GATA4: variants seen among roughly 807,000 people sequenced by gnomAD.
GATA4 encodes the protein transcription factor GATA-4.
In GATA4, 7 loss-of-function variants were observed where a neutral mutation model predicts 37.9. The observed-to-expected ratio is 0.18, with a 90% CI of 0.11 to 0.35. The LOEUF is 0.35. Among genes scored for constraint, GATA4 ranks in the 10% least tolerant of loss-of-function variants. The pLI is 1.00. For missense variants in GATA4, 647 were observed against 653.0 expected (o/e 0.99, Z 0.10); for synonymous variants, 372 against 292.6 (o/e 1.27, Z -2.77).
At chr8:11,711,701 C>G (rs780004398) in intron 2 of GATA4, among the ~76,000 whole-genome samples, 1 of 148,482 alleles carries the variant, frequency 6.7e-6, no homozygotes, top group Non-Finnish European at 1.5e-5. Flanking sequence ...CACATGAGCC[C>G]GAGGCCACTG....
Position 11,758,765 on chromosome 8 carries a change from G to A in GATA4, c.*290G>A, listed in dbSNP as rs963493166. On this transcript the variant is annotated 3_prime_UTR_variant, in exon 7 of 7. Coordinates refer to ENST00000532059, the MANE Select transcript of GATA4 (RefSeq NM_001308093.3). ...TTCCCAAGATGTCCTTGTCCCCTGC[G>A]TTCCCCACTGTGGCCTAGACCGTGG... 4.7e-5 allele frequency: 22 copies of A among 468,292 alleles called. No individual in the cohort carries two copies. The highest frequency in any genetic ancestry group is 3.0e-4 in the East Asian group (7 of 22,972). The allele number at this position is 468,292 out of a possible 1,614,324, so 29.0% of individuals were successfully genotyped here.
In GATA4 at chr8:11,693,522, A is replaced by AACAC. The variant is rs140439542; in HGVS notation, c.-729+900_-729+903dup. Among the ~76,000 whole-genome samples the AACAC allele has an allele frequency of 7.0e-3, 769 of 109,942 alleles. 6 individuals are homozygous for AACAC. Among genetic ancestry groups the AACAC allele is most frequent in the African/African-American group, 0.028 (703 of 25,514 alleles). The allele number at this position is 109,942 out of a possible 152,430, so 72.1% of individuals were successfully genotyped here. ...AAAAAAAGAGGATTGATTCAGCACAAACACACACACACACACACACACACA... is the reference window on the plus strand; with the variant it reads ...AAAAAAAGAGGATTGATTCAGCACAAACACACACACACACACACACACACACACA... On this transcript the variant is annotated intron_variant, in intron 1 of 2. Transcript: ENST00000526974.
chr8:11,736,806 G>C (rs1188774120), intron 2 of GATA4, among the ~76,000 whole-genome samples: 2 of 152,184 alleles, frequency 1.3e-5, no homozygotes, highest in African/African-American at 4.8e-5. Flanking sequence ...ATATTATCTA[G>C]ATTCTTTTCA....
intron 4 of GATA4, among the ~76,000 whole-genome samples, chr8:11,754,388 A>C (rs575130932): frequency 6.6e-6 from 1 of 152,198 alleles, no homozygotes; most frequent in East Asian, 1.9e-4. Flanking sequence ...AGCTAATTTT[A>C]AAACTTTTTT....
chr8:11,677,069 T>C, intron 1 of GATA4: 1 of 152,422 alleles, frequency 6.6e-6, no homozygotes, highest in East Asian at 1.9e-4. Context: ...CGCGGGTGAG[T>C]CCCCTCCTGG....
At chr8:11,706,708 G>T (rs1011762121) in intron 1 of GATA4, among the ~76,000 whole-genome samples, 1 of 152,168 alleles carries the variant, frequency 6.6e-6, no homozygotes, top group African/African-American at 2.4e-5. Context: ...AGAGAGAAAT[G>T]GAGTGTGGTG....
chr8:11,746,968 C>A (rs1438391669), intron 2 of GATA4, among the ~76,000 whole-genome samples: 1 of 152,190 alleles, frequency 6.6e-6, no homozygotes, highest in Non-Finnish European at 1.5e-5. Flanking sequence ...GGGGAGGGCC[C>A]CCCACCATCC....
At chr8:11,689,779 G>A (rs1375624890), upstream of GATA4, among the ~76,000 whole-genome samples, 1 of 152,170 alleles carries the variant, frequency 6.6e-6, no homozygotes, top group Non-Finnish European at 1.5e-5. Context: ...AGACTTCTAG[G>A]CTCTGCCCGA....
At chr8:11,748,887 T>A in intron 2 of GATA4, 29 bp from the exon 3 acceptor site, 1 of 1,613,318 alleles carries the variant, frequency 6.2e-7, no homozygotes, top group Non-Finnish European at 8.5e-7. Flanking sequence ...ATCCTCTGTG[T>A]CTTTTCTTGT....
At chr8:11,732,896 A>G (rs1468832282) in intron 2 of GATA4, among the ~76,000 whole-genome samples, 1 of 152,228 alleles carries the variant, frequency 6.6e-6, no homozygotes, top group African/African-American at 2.4e-5. Context: ...ATGGAGGGAA[A>G]GACTTCGAGA....
upstream of GATA4, among the ~76,000 whole-genome samples, chr8:11,691,104 C>T (rs376109123): frequency 3.3e-5 from 5 of 152,178 alleles, no homozygotes; most frequent in African/African-American, 7.2e-5. Flanking sequence ...AATCAATCCA[C>T]GCAGCATACT....
At chr8:11,748,827 T>C in intron 2 of GATA4, 89 bp from the exon 3 acceptor site, 1 of 1,463,162 alleles carries the variant, frequency 6.8e-7, no homozygotes, top group Non-Finnish European at 9.6e-7. Flanking sequence ...GCATTGTTTC[T>C]GTGCGCTCTA....
intron 1 of GATA4, among the ~76,000 whole-genome samples, chr8:11,677,656 C>A (rs1331021302): frequency 6.6e-6 from 1 of 152,206 alleles, no homozygotes; most frequent in East Asian, 1.9e-4. Context: ...TGCTGTTTCC[C>A]ATCGCTTGGC....
Position 11,749,081 on chromosome 8 carries a change from G to A in GATA4, c.782G>A (p.Arg261Gln), listed in dbSNP as rs1245034279. 7 of 1,614,002 alleles carry A rather than the reference G, an allele frequency of 4.3e-6. No homozygotes were observed. The highest frequency in any genetic ancestry group is 2.7e-5 in the African/African-American group (2 of 74,920). ...CGGCCGCTCATCAAGCCTCAGCGCC[G>A]GCTGGTAAGCACGTGCCTCGCAGCC... ...INRPLIKPQRRLSASRRVGLS... is the reference protein window; with the variant it reads ...INRPLIKPQRQLSASRRVGLS... The change falls in exon 3 of 7, where the codon CGG (arginine) becomes CAG (glutamine). Residue 261 changes from arginine (R) to glutamine (Q), a missense_variant. Around this residue, in one of 5 missense-constraint regions of GATA4, gnomAD observed 56 missense variants for 64.5 expected, o/e 0.87. Transcript: ENST00000532059. This position sits in a 1 kb window ranked among gnomAD's most constrained non-coding sequence, Gnocchi z 4.6.
upstream of GATA4, among the ~76,000 whole-genome samples, chr8:11,689,974 T>A (rs1017106431): frequency 3.3e-5 from 5 of 152,172 alleles, no homozygotes; most frequent in South Asian, 4.1e-4. Flanking sequence ...GGTAAATAGG[T>A]GTGTGGCTCT....
At chr8:11,700,412 C>T (rs1799634439), upstream of GATA4, 1 of 152,242 alleles carries the variant, frequency 6.6e-6, no homozygotes, top group Admixed American at 6.5e-5. Context: ...ACTCCGTATC[C>T]CCAAGAAAGA....
rs1258064099 is a variant in GATA4, at chr8:11,708,533, C to A, written c.221C>A (p.Ala74Asp). 4.8e-6 allele frequency: 7 copies of A among 1,445,022 alleles called. No homozygotes were observed. The East Asian group carries it at 1.7e-4, about 36-fold the overall frequency. The allele number at this position is 1,445,022 out of a possible 1,614,324, so 89.5% of individuals were successfully genotyped here. The change falls in exon 2 of 7, where the codon GCC (alanine) becomes GAC (aspartate). Residue 74 changes from alanine to aspartate, a missense_variant. Physicochemically the swap from Ala to Asp is moderately radical, Grantham distance 126. Around this residue, in one of 5 missense-constraint regions of GATA4, gnomAD observed 379 missense variants for 334.5 expected, o/e 1.13. Transcript: ENST00000532059. This position sits in a 1 kb window ranked among gnomAD's most constrained non-coding sequence, Gnocchi z 6.7. Reference sequence around the variant, plus strand: ...GCCTCGGGCGGCAGCTCCGGTGGGGCCGCGTCTGGTGCGGGGCCCGGGACC... The same window carrying A: ...GCCTCGGGCGGCAGCTCCGGTGGGGACGCGTCTGGTGCGGGGCCCGGGACC... ...GGASGGSSGG[A>D]ASGAGPGTQQ...
upstream of GATA4, among the ~76,000 whole-genome samples, chr8:11,699,911 A>G (rs940616220): frequency 6.6e-6 from 1 of 152,172 alleles, no homozygotes; most frequent in African/African-American, 2.4e-5. Context: ...AATTTTTAAA[A>G]GACAGTTTTT....
chr8:11,750,012 C>T, intron 3 of GATA4, 99 bp from the exon 4 acceptor site: 3 of 1,568,128 alleles, frequency 1.9e-6, no homozygotes, highest in Non-Finnish European at 2.6e-6. Context: ...CCCAGCCCTG[C>T]CTCCCGTTAG....
Sources: allele counts gnomAD v4.1 joint callset (sites outside exome capture counted in the v4.1 genomes callset), GRCh38; gene constraint gnomAD v4.1.1; regional missense constraint gnomAD v4.1.1; non-coding constraint Gnocchi (gnomAD v3.1); transcripts MANE v1.5; gene names NCBI Gene and HGNC (gene_info 2026-07-23, HGNC 2026-07-21).